The following SPATA17 variants were observed in gnomAD, a reference collection of about 807,000 sequenced individuals.
SPATA17 encodes the protein spermatogenesis associated 17.
A neutral mutation model predicts 62.2 loss-of-function variants in SPATA17; 53 were observed. The ratio of observed to expected loss-of-function variants is 0.85; its 90% confidence interval spans 0.68 to 1.07. SPATA17 has a LOEUF of 1.07. Among genes scored for constraint, SPATA17 ranks in the 50% least tolerant of loss-of-function variants. SPATA17 has a pLI of 0.00. For synonymous variants in SPATA17, 146 were observed against 146.8 expected, an observed-to-expected ratio of 0.99 and a Z score of 0.04; for missense variants, 466 against 425.5, an observed-to-expected ratio of 1.10 and a Z score of -0.84.
chr1:217,754,395 A>C (rs1052943265), intron 6 of SPATA17, among the ~76,000 whole-genome samples: 5 of 152,180 alleles, frequency 3.3e-5, no homozygotes, highest in Non-Finnish European at 7.4e-5. Flanking sequence ...CAAATCTTAG[A>C]AACACAAGCA....
At position 217,868,968 on chromosome 1, in the gene SPATA17, C is replaced by G. The variant is rs964651968; in HGVS notation, c.*1949C>G. 3 of 152,316 alleles carry G rather than the reference C, an allele frequency of 2.0e-5. No individual in the cohort carries two copies. The highest frequency in any genetic ancestry group is 7.2e-5 in the African/African-American group (3 of 41,428). The allele number at this position is 152,316 out of a possible 1,614,324, so 9.4% of individuals were successfully genotyped here. On this transcript the variant is annotated 3_prime_UTR_variant, in exon 11 of 11. Coordinates refer to ENST00000366933, the MANE Select transcript of SPATA17 (RefSeq NM_138796.4). ...AAGTACTGGGATTACAGGCATGAGTCACTGAACCCAGCCCTGAGACATGTC... is the reference window on the plus strand; with the variant it reads ...AAGTACTGGGATTACAGGCATGAGTGACTGAACCCAGCCCTGAGACATGTC...
Position 217,689,570 on chromosome 1 carries a change from A to G in SPATA17, c.395+6209A>G, listed in dbSNP as rs545916060. Among the ~76,000 whole-genome samples the G allele has an allele frequency of 3.9e-5, 6 of 152,248 alleles. No homozygotes were observed. In the South Asian group the frequency reaches 1.0e-3, roughly 26 times the overall value. On this transcript the variant is annotated intron_variant, in intron 5 of 10. Coordinates refer to ENST00000366933, the MANE Select transcript of SPATA17 (RefSeq NM_138796.4). ...ATTCTAAATTCTGAGAACTATTAACAGGCAAGTATAAGACAATGTTCTCAA... is the reference window on the plus strand; with the variant it reads ...ATTCTAAATTCTGAGAACTATTAACGGGCAAGTATAAGACAATGTTCTCAA...
chr1:217,868,068 TTATC>T lies in SPATA17; in HGVS notation c.*1054_*1057del, dbSNP rs1415249422. On this transcript the variant is annotated 3_prime_UTR_variant, in exon 11 of 11. Transcript: ENST00000366933. The stretch of plus-strand genomic sequence containing the variant: ...AAAAAAGGAACCTATTAAAAAGACA[TTATC>T]TATCAATCACTGTGTGTGTACAGTT... 2.6e-5 allele frequency: 4 copies of T among 152,222 alleles called. No individual in the cohort carries two copies. The highest frequency in any genetic ancestry group is 4.4e-5 in the Non-Finnish European group (3 of 68,032). 9.4% of individuals were successfully genotyped at this position (152,222 alleles called of 1,614,324 possible).
intron 1 of SPATA17, among the ~76,000 whole-genome samples, chr1:217,639,907 A>G (rs1295228249): frequency 6.6e-6 from 1 of 152,012 alleles, no homozygotes; most frequent in Non-Finnish European, 1.5e-5. Flanking sequence ...CCAATACCAT[A>G]ATGTTTCAGG....
chr1:217,842,978 A>G (rs1303909986), intron 9 of SPATA17, among the ~76,000 whole-genome samples: 1 of 151,586 alleles, frequency 6.6e-6, no homozygotes, highest in Non-Finnish European at 1.5e-5. Flanking sequence ...ATTGACTCAT[A>G]TCTTGTTTAG....
intron 6 of SPATA17, among the ~76,000 whole-genome samples, chr1:217,749,444 CTT>C (rs889746631): frequency 6.6e-6 from 1 of 151,512 alleles, no homozygotes; most frequent in East Asian, 1.9e-4. Context: ...TTTTTTTGGG[CTT>C]TTTTTTCTGT....
At chr1:217,734,097 A>C (rs534325163) in intron 5 of SPATA17, among the ~76,000 whole-genome samples, 8 of 152,324 alleles carry the variant, frequency 5.3e-5, no homozygotes, top group African/African-American at 1.9e-4. Flanking sequence ...CAGATAATCT[A>C]TTCCATGGTT....
At chr1:217,760,757 G>A (rs1001411077) in intron 6 of SPATA17, among the ~76,000 whole-genome samples, 40 of 152,136 alleles carry the variant, frequency 2.6e-4, no homozygotes, top group African/African-American at 9.7e-4. Flanking sequence ...AATTCTGGAG[G>A]TTTTTCTTTC....
chr1:217,716,465 G>A (rs1437880105), intron 5 of SPATA17, among the ~76,000 whole-genome samples: 1 of 152,132 alleles, frequency 6.6e-6, no homozygotes, highest in Non-Finnish European at 1.5e-5. Flanking sequence ...TTAATATTAA[G>A]TGGAAAATAG....
intron 5 of SPATA17, among the ~76,000 whole-genome samples, chr1:217,716,605 A>T (rs1409816854): frequency 6.6e-6 from 1 of 152,242 alleles, no homozygotes; most frequent in Non-Finnish European, 1.5e-5. Context: ...TAGTTACTGA[A>T]ATGGTATAAA....
intron 9 of SPATA17, among the ~76,000 whole-genome samples, chr1:217,817,910 C>A (rs1674762780): frequency 6.6e-6 from 1 of 152,004 alleles, no homozygotes; most frequent in Non-Finnish European, 1.5e-5. Flanking sequence ...TCCCATGTAT[C>A]TCTGCATGCT....
At chr1:217,826,786 G>A (rs1010359612) in intron 9 of SPATA17, among the ~76,000 whole-genome samples, 1 of 152,048 alleles carries the variant, frequency 6.6e-6, no homozygotes, top group Non-Finnish European at 1.5e-5. Flanking sequence ...GCATTCCGAA[G>A]TGAGATTTTA....
intron 5 of SPATA17, among the ~76,000 whole-genome samples, chr1:217,726,054 G>A (rs187436399): frequency 1.3e-5 from 2 of 152,080 alleles, no homozygotes; most frequent in Admixed American, 6.5e-5. Flanking sequence ...TTGGAGTAAT[G>A]TTATACCTTA....
At chr1:217,639,925 C>T (rs1364296634) in intron 1 of SPATA17, among the ~76,000 whole-genome samples, 2 of 151,980 alleles carry the variant, frequency 1.3e-5, no homozygotes, top group Non-Finnish European at 2.9e-5. Flanking sequence ...AGGTTTTTGC[C>T]GTGGCCATCA....
rs1674591268 is a variant in SPATA17 at position 217,811,669 on chromosome 1, G to T, written c.1005+9819G>T. 1.3e-5 allele frequency among the ~76,000 whole-genome samples: 2 copies of T among 149,502 alleles called. 1 individual carries two copies. Among genetic ancestry groups the T allele is most frequent in the Non-Finnish European group, 3.0e-5 (2 of 67,452 alleles). ...AATTGTGCCATTGCACTCCAGCCTGGGCAACAGAGTGAGACTCCACCTCGA... is the reference window on the plus strand; with the variant it reads ...AATTGTGCCATTGCACTCCAGCCTGTGCAACAGAGTGAGACTCCACCTCGA... On this transcript the variant is annotated intron_variant, in intron 9 of 10. Coordinates refer to ENST00000366933, the MANE Select transcript of SPATA17 (RefSeq NM_138796.4).
At chr1:217,716,889 A>C (rs1423530503) in intron 5 of SPATA17, among the ~76,000 whole-genome samples, 1 of 152,234 alleles carries the variant, frequency 6.6e-6, no homozygotes, top group Non-Finnish European at 1.5e-5. Flanking sequence ...GTCTATCCAC[A>C]CAAACCCCCT....
At chr1:217,852,446 T>TG (rs1675688356) in intron 9 of SPATA17, among the ~76,000 whole-genome samples, 1 of 152,170 alleles carries the variant, frequency 6.6e-6, no homozygotes, top group South Asian at 2.1e-4. Context: ...ACTTCTTCTT[T>TG]GGGGGCAGTG....
At chr1:217,690,473 AT>A (rs60737502) in intron 5 of SPATA17, among the ~76,000 whole-genome samples, 29,838 of 79,090 alleles carry the variant, frequency 0.38, 3,130 homozygotes, top group East Asian at 0.56. Context: ...TTTATTTTTT[AT>A]TTTTTTTTTT....
At position 217,741,999 on chromosome 1, in the gene SPATA17, A is replaced by G; in HGVS notation, c.420A>G (p.Glu140=). Residue 140 remains glutamate, a synonymous_variant, in exon 6 of 11, where the codon GAA becomes GAG. Coordinates refer to ENST00000366933, the MANE Select transcript of SPATA17 (RefSeq NM_138796.4). ...AIRKALEEFA[E]MKEREEKKAN... is the part of the protein sequence containing the mutation. ...GGAAGGCACTGGAGGAGTTTGCAGA[A>G]ATGAAAGAAAGAGAAGAGAAGAAGG... The G allele has an allele frequency of 1.2e-6, 2 of 1,614,122 alleles. No individual in the cohort carries two copies. Among genetic ancestry groups the G allele is most frequent in the Non-Finnish European group, 1.7e-6 (2 of 1,179,978 alleles).
Sources: allele counts gnomAD v4.1 joint callset (sites outside exome capture counted in the v4.1 genomes callset), GRCh38; gene constraint gnomAD v4.1.1; transcripts MANE v1.5; gene names NCBI Gene and HGNC (gene_info 2026-07-23, HGNC 2026-07-21).